PCDH9: variants seen among roughly 807,000 people sequenced by gnomAD.
The protein encoded by PCDH9 is protocadherin-9.
In PCDH9, 24 loss-of-function variants were observed where a neutral mutation model predicts 70.6. The observed-to-expected ratio is 0.34, with a 90% CI of 0.25 to 0.48. PCDH9 has a LOEUF of 0.48. PCDH9 is among the 20% of genes least tolerant of loss of function. The probability of loss-of-function intolerance (pLI) is 0.99; values close to 1 mark genes in which losing one functional copy is unlikely to be tolerated. For synonymous variants in PCDH9, 562 were observed against 558.5 expected (o/e 1.01, Z -0.09); for missense variants, 1,281 against 1,503.6 (o/e 0.85, Z 2.45).
rs201148717 is a variant in PCDH9, at chr13:66,730,864, T to TGTGTG, written c.3139-99454_3139-99453insCACAC. 3.1e-3 allele frequency among the ~76,000 whole-genome samples: 381 copies of TGTGTG among 122,254 alleles called. 5 individuals carry two copies. Among genetic ancestry groups the TGTGTG allele is most frequent in the African/African-American group, 8.4e-3 (261 of 30,898 alleles). 80.2% of individuals were successfully genotyped at this position (122,254 alleles called of 152,430 possible). Reference sequence around the variant, plus strand: ...TGGCTGTTTTTTTGTTTTTGTTTTTTTGTGTGTGTGTGTTTTTTTTTTGTT... The same window carrying TGTGTG: ...TGGCTGTTTTTTTGTTTTTGTTTTTTGTGTGTGTGTGTGTGTGTTTTTTTTTTGTT... On this transcript the variant is annotated intron_variant, in intron 3 of 4. Transcript: ENST00000377865.
chr13:67,222,341 T>C (rs2089748960), intron 2 of PCDH9: 1 of 146,814 alleles, frequency 6.8e-6, no homozygotes, highest in Non-Finnish European at 1.5e-5. Flanking sequence ...CTTCCAAAAA[T>C]TTGTAAGAAA....
chr13:66,705,464 C>T (rs1312172363), intron 3 of PCDH9, among the ~76,000 whole-genome samples: 4 of 152,132 alleles, frequency 2.6e-5, no homozygotes, highest in Non-Finnish European at 5.9e-5. Flanking sequence ...TAGAGGAAAA[C>T]AACAAATCGT....
chr13:67,049,222 A>C (rs922925151), intron 2 of PCDH9, among the ~76,000 whole-genome samples: 1 of 152,230 alleles, frequency 6.6e-6, no homozygotes. Context: ...ACATAGGGCT[A>C]ATGAGTTCAT....
At chr13:66,519,888 A>G (rs1408129839) in intron 4 of PCDH9, among the ~76,000 whole-genome samples, 3 of 151,654 alleles carry the variant, frequency 2.0e-5, no homozygotes, top group East Asian at 2.0e-4. Context: ...CGGCAGTCCT[A>G]TTAAAACAGA....
intron 3 of PCDH9, among the ~76,000 whole-genome samples, chr13:66,710,392 T>C (rs1006017260): frequency 1.3e-5 from 2 of 152,150 alleles, no homozygotes; most frequent in Non-Finnish European, 2.9e-5. Context: ...AAGAAAAGTA[T>C]ACAAAATGAC....
chr13:66,667,334 A>C (rs1267987022), intron 3 of PCDH9, among the ~76,000 whole-genome samples: 1 of 152,220 alleles, frequency 6.6e-6, no homozygotes, highest in African/African-American at 2.4e-5. Flanking sequence ...CGTTATTTCT[A>C]AACATTTGGA....
intron 2 of PCDH9, among the ~76,000 whole-genome samples, chr13:67,116,190 C>G (rs1157363544): frequency 6.6e-6 from 1 of 152,168 alleles, no homozygotes; most frequent in Non-Finnish European, 1.5e-5. Context: ...AAACAACTAG[C>G]TGGATATGTT....
At chr13:66,785,386 T>C (rs925451299) in intron 3 of PCDH9, among the ~76,000 whole-genome samples, 8 of 152,216 alleles carry the variant, frequency 5.3e-5, no homozygotes, top group African/African-American at 1.7e-4. Context: ...TGTATTATTT[T>C]ACAGTACTCT....
At chr13:66,920,433 A>C (rs1594261007) in intron 2 of PCDH9, among the ~76,000 whole-genome samples, 1 of 151,244 alleles carries the variant, frequency 6.6e-6, no homozygotes, top group East Asian at 1.9e-4. Flanking sequence ...TGTATTTTGC[A>C]TGTCCCTAAA....
At chr13:66,809,397 T>C (rs2080463670) in intron 3 of PCDH9, among the ~76,000 whole-genome samples, 2 of 152,196 alleles carry the variant, frequency 1.3e-5, no homozygotes, top group Admixed American at 1.3e-4. Context: ...TCACACAATC[T>C]TCATGGAGTT....
chr13:66,530,303 TTC>T (rs1960396870), intron 4 of PCDH9, among the ~76,000 whole-genome samples: 1 of 152,116 alleles, frequency 6.6e-6, no homozygotes, highest in Non-Finnish European at 1.5e-5. Flanking sequence ...TTCATTATTT[TTC>T]GACAGTGTGT....
At chr13:66,991,855 A>T (rs1371337082) in intron 2 of PCDH9, among the ~76,000 whole-genome samples, 2 of 152,166 alleles carry the variant, frequency 1.3e-5, no homozygotes, top group Non-Finnish European at 2.9e-5. Flanking sequence ...AAAAAGATGT[A>T]ACATAAAAAT....
chr13:66,711,950 G>A, intron 3 of PCDH9, among the ~76,000 whole-genome samples: 1 of 152,034 alleles, frequency 6.6e-6, no homozygotes, highest in East Asian at 1.9e-4. Flanking sequence ...CCAGTTCCCA[G>A]GTTTATGACA....
At chr13:67,077,156 T>C (rs1390366220) in intron 2 of PCDH9, among the ~76,000 whole-genome samples, 2 of 152,122 alleles carry the variant, frequency 1.3e-5, no homozygotes, top group Non-Finnish European at 2.9e-5. Flanking sequence ...TCTTAAAAAA[T>C]ACCACTCCCT....
chr13:66,954,415 G>A (rs1473257650), intron 2 of PCDH9, among the ~76,000 whole-genome samples: 1 of 152,104 alleles, frequency 6.6e-6, no homozygotes, highest in Non-Finnish European at 1.5e-5. Flanking sequence ...GATTTAACCT[G>A]GGCCCATGGC....
chr13:66,855,873 T>C (rs2081386771), intron 3 of PCDH9, among the ~76,000 whole-genome samples: 1 of 152,002 alleles, frequency 6.6e-6, no homozygotes, highest in Non-Finnish European at 1.5e-5. Context: ...GAGACATTTT[T>C]ATCATGGATA....
intron 4 of PCDH9, among the ~76,000 whole-genome samples, chr13:66,567,131 C>T (rs1030480779): frequency 1.3e-5 from 2 of 152,062 alleles, no homozygotes; most frequent in Admixed American, 6.6e-5. Flanking sequence ...TTATTGAATT[C>T]AGTGCCATTC....
intron 3 of PCDH9, among the ~76,000 whole-genome samples, chr13:66,639,898 A>C (rs891599893): frequency 1.3e-5 from 2 of 152,134 alleles, no homozygotes; most frequent in Non-Finnish European, 2.9e-5. Context: ...ATCTGAGCAC[A>C]CGAAATATAA....
rs145396046 is a variant in PCDH9, at chr13:67,086,460, G to A, written c.3036+138945C>T. ...GCACAGACAGCCAAGCACATAGTTC[G>A]GCTGCCTCTGTCTCCCAGTGATAAA... On this transcript the variant is annotated intron_variant, in intron 2 of 4. Coordinates refer to ENST00000377865, the MANE Select transcript of PCDH9 (RefSeq NM_203487.3). Among the ~76,000 whole-genome samples the A allele has an allele frequency of 1.1e-3, 171 of 152,220 alleles. 1 individual carries two copies. Among genetic ancestry groups the A allele is most frequent in the African/African-American group, 3.6e-3 (150 of 41,542 alleles).
Sources: gnomAD v4.1 joint callset for allele counts (sites outside exome capture counted in the v4.1 genomes callset) on GRCh38, gnomAD v4.1.1 for gene constraint, MANE v1.5 for transcripts, NCBI Gene and HGNC (gene_info 2026-07-23, HGNC 2026-07-21) for gene names.